The following KIAA1586 variants were observed in gnomAD, a reference collection of about 807,000 sequenced individuals.
KIAA1586 encodes the protein E3 SUMO-protein ligase KIAA1586.
Under a neutral mutation model 6.1 loss-of-function variants are expected in KIAA1586, and 5 were observed. That is an observed-to-expected ratio of 0.82 (90% CI 0.43 to 1.73). KIAA1586 has a LOEUF of 1.73. Among genes scored for constraint, KIAA1586 ranks in the 40% most tolerant of loss-of-function variants. KIAA1586 has a pLI of 0.02. For synonymous variants in KIAA1586, 280 were observed against 301.7 expected (o/e 0.93, Z 0.75); for missense variants, 899 against 878.2 (o/e 1.02, Z -0.30).
In KIAA1586 at chr6:57,054,826, T is replaced by C; in HGVS notation, c.2327T>C (p.Phe776Ser). ...GTTCGGCAAAAGTCAACAAAAGTCT[T>C]CCATGAGAATCAATTGGCTATATGG... ...TRVRQKSTKV[F>S]HENQLAIWNL... Residue 776 changes from phenylalanine (F) to serine (S), a missense_variant, in exon 4 of 4, where the codon TTC becomes TCC. Transcript: ENST00000370733. The C allele has an allele frequency of 6.4e-7, 1 of 1,550,716 alleles. No individual in the cohort carries two copies. The highest frequency in any genetic ancestry group is 8.7e-7 in the Non-Finnish European group (1 of 1,146,432).
chr6:57,065,486 T>A, the KIAA1586 span, among the ~76,000 whole-genome samples: 1 of 150,450 alleles, frequency 6.6e-6, no homozygotes, highest in Admixed American at 6.6e-5. Context: ...TTGTGTTGCC[T>A]TTTTTGTTTT....
chr6:57,053,256 G>A lies in KIAA1586; in HGVS notation c.757G>A (p.Val253Ile), dbSNP rs763018055. ...IDATVKVFNT[V>I]YSLVKHNRPL... ...TGCTACTGTAAAAGTTTTCAATACT[G>A]TTTACAGTTTAGTAAAACATAACAG... Residue 253 changes from valine to isoleucine, a missense_variant, in exon 4 of 4, where the codon GTT (valine) becomes ATT (isoleucine). Physicochemically the swap from Val to Ile is conservative, Grantham distance 29. Coordinates refer to ENST00000370733, the MANE Select transcript of KIAA1586 (RefSeq NM_020931.4). The A allele has an allele frequency of 5.4e-5, 86 of 1,603,578 alleles. 1 individual carries two copies. Among genetic ancestry groups the A allele is most frequent in the Non-Finnish European group, 6.9e-5 (81 of 1,176,692 alleles).
In KIAA1586 at chr6:57,053,046, G is replaced by A; in HGVS notation, c.547G>A (p.Glu183Lys). The A allele has an allele frequency of 6.2e-7, 1 of 1,613,662 alleles. No individual in the cohort carries two copies. The highest frequency in any genetic ancestry group is 1.7e-4 in the Middle Eastern group (1 of 6,060). ...AGAAAAGCATGTCCATGTGTCCAAG[G>A]AATGGATTGCATATTTAGTAACCCC... ...KAEKHVHVSK[E>K]WIAYLVTPNG... The change falls in exon 4 of 4, where the codon GAA becomes AAA. Residue 183 changes from glutamate (E) to lysine (K), a missense_variant. By Grantham distance (56) the Glu-to-Lys change is moderately conservative. Coordinates refer to ENST00000370733, the MANE Select transcript of KIAA1586 (RefSeq NM_020931.4).
chr6:57,054,675 A>C lies in KIAA1586; in HGVS notation c.2176A>C (p.Thr726Pro). Residue 726 changes from threonine to proline, a missense_variant, in exon 4 of 4, where the codon ACA becomes CCA. By Grantham distance (38) the Thr-to-Pro change is conservative. Coordinates refer to ENST00000370733, the MANE Select transcript of KIAA1586 (RefSeq NM_020931.4). ...TTGTACAAGGGTGAGAAATAGTTTA[A>C]CAATAGATCATGTATCAGATTTAAT... ...IICTRVRNSL[T>P]IDHVSDLMTI... is the part of the protein sequence containing the mutation. The C allele has an allele frequency of 2.6e-6, 4 of 1,556,300 alleles. No homozygotes were observed. The highest frequency in any genetic ancestry group is 3.5e-6 in the Non-Finnish European group (4 of 1,148,606).
chr6:57,046,798 C>T lies in KIAA1586; in HGVS notation c.21+22C>T, dbSNP rs562588761. 69 of 1,609,404 alleles carry T rather than the reference C, an allele frequency of 4.3e-5. No individual in the cohort carries two copies. In the East Asian group the frequency reaches 1.4e-3, roughly 33 times the overall value. ...GGAAGTGAGTAGTCGAGTGAGGGTC[C>T]TGGCGTTCTCAGAGGCGAACCGCGA... is the stretch of plus-strand genomic sequence containing the variant. On this transcript the variant is annotated intron_variant, in intron 1 of 3. Coordinates refer to ENST00000370733, the MANE Select transcript of KIAA1586 (RefSeq NM_020931.4).
chr6:57,052,113 CT>C (rs536007494), intron 3 of KIAA1586, among the ~76,000 whole-genome samples: 2 of 152,156 alleles, frequency 1.3e-5, no homozygotes, highest in South Asian at 4.1e-4. Flanking sequence ...ATTATCCACC[CT>C]TCATGTTGCT....
At chr6:57,061,582 G>A in the KIAA1586 span, among the ~76,000 whole-genome samples, 3 of 151,866 alleles carry the variant, frequency 2.0e-5, no homozygotes, top group African/African-American at 7.3e-5. Context: ...TTGTAGAGAC[G>A]GGGTCTTCTG....
At chr6:57,065,628 A>G in the KIAA1586 span, among the ~76,000 whole-genome samples, 1 of 151,924 alleles carries the variant, frequency 6.6e-6, no homozygotes, top group Non-Finnish European at 1.5e-5. Flanking sequence ...CTGGGACTAT[A>G]GGCTCACACC....
In KIAA1586 at chr6:57,053,869, A is replaced by G; in HGVS notation, c.1370A>G (p.Asn457Ser). ...TCTATTTATCATCAACCTAATAAAA[A>G]TCAAACCAAGCTTCTAGGAACTGTA... Reference protein sequence around the residue: ...IYSIYHQPNKNQTKLLGTVAK... With the variant: ...IYSIYHQPNKSQTKLLGTVAK... Residue 457 changes from asparagine to serine, a missense_variant, in exon 4 of 4, where the codon AAT (asparagine) becomes AGT (serine). Asn to Ser is a conservative substitution (Grantham distance 46). Coordinates refer to ENST00000370733, the MANE Select transcript of KIAA1586 (RefSeq NM_020931.4). 1 of 1,566,002 alleles carries G rather than the reference A, an allele frequency of 6.4e-7. No individual in the cohort carries two copies. The highest frequency in any genetic ancestry group is 1.2e-5 in the South Asian group (1 of 82,190).
the KIAA1586 span, among the ~76,000 whole-genome samples, chr6:57,065,509 G>A: frequency 6.9e-6 from 1 of 145,304 alleles, no homozygotes; most frequent in Non-Finnish European, 1.5e-5. Flanking sequence ...TTTTTTTTGA[G>A]TCAGTCTTGT....
chr6:57,064,316 T>G, the KIAA1586 span, among the ~76,000 whole-genome samples: 1 of 152,230 alleles, frequency 6.6e-6, no homozygotes, highest in African/African-American at 2.4e-5. Context: ...ATGAATATTT[T>G]TGTGTTTTCT....
chr6:57,054,031 C>G lies in KIAA1586; in HGVS notation c.1532C>G (p.Ser511Cys). ...TATATGCATTTTTCTCATTCTTACT[C>G]TGGTTTGGCGAAGAGATTAGCTAAC... The part of the protein sequence containing the change: ...ILYMHFSHSY[S>C]GLAKRLANIN... Residue 511 changes from serine (S) to cysteine (C), a missense_variant, in exon 4 of 4, where the codon TCT becomes TGT. Physicochemically the swap from Ser to Cys is moderately radical, Grantham distance 112. Coordinates refer to ENST00000370733, the MANE Select transcript of KIAA1586 (RefSeq NM_020931.4). 6.2e-7 allele frequency: 1 copy of G among 1,610,628 alleles called. No individual in the cohort carries two copies. Among genetic ancestry groups the G allele is most frequent in the Non-Finnish European group, 8.5e-7 (1 of 1,178,486 alleles).
Position 57,053,110 on chromosome 6 carries a change from G to GA in KIAA1586, c.619dup (p.Ile207AsnfsTer2). ...AAAACTACTAGGCAAGCTTCTCTACGAAAAAAAATTAGGGAACATGATGTT... is the reference window on the plus strand; with the variant it reads ...AAAACTACTAGGCAAGCTTCTCTACGAAAAAAAAATTAGGGAACATGATGTT... On this transcript the variant is annotated frameshift_variant, in exon 4 of 4. Coordinates refer to ENST00000370733, the MANE Select transcript of KIAA1586 (RefSeq NM_020931.4). LOFTEE classifies it low-confidence loss of function (END_TRUNC). 8 of 1,605,888 alleles carry GA rather than the reference G, an allele frequency of 5.0e-6. No homozygotes were observed. Among genetic ancestry groups the GA allele is most frequent in the Admixed American group, 1.7e-5 (1 of 57,572 alleles).
rs1405917934 is a variant in KIAA1586 at position 57,053,274 on chromosome 6, CAT to C, written c.777_778del (p.His259GlnfsTer6). On this transcript the variant is annotated frameshift_variant, in exon 4 of 4. Coordinates refer to ENST00000370733, the MANE Select transcript of KIAA1586 (RefSeq NM_020931.4). LOFTEE classifies it low-confidence loss of function (END_TRUNC). ...CAATACTGTTTACAGTTTAGTAAAACATAACAGACCTTTATCTGATATTGAGG... is the reference window on the plus strand; with the variant it reads ...CAATACTGTTTACAGTTTAGTAAAACAACAGACCTTTATCTGATATTGAGG... Reference protein sequence around the residue: ...VFNTVYSLVKHNRPLSDIEGA... With the variant: ...VFNTVYSLVKXNRPLSDIEGA... 3 of 1,606,576 alleles carry C rather than the reference CAT, an allele frequency of 1.9e-6. No homozygotes were observed. The highest frequency in any genetic ancestry group is 1.7e-6 in the Non-Finnish European group (2 of 1,177,762).
chr6:57,049,015 T>A (rs1828254970), intron 2 of KIAA1586, among the ~76,000 whole-genome samples: 1 of 151,762 alleles, frequency 6.6e-6, no homozygotes, highest in Non-Finnish European at 1.5e-5. Context: ...TAAAGATCCT[T>A]CTACATCTTT....
downstream of KIAA1586, among the ~76,000 whole-genome samples, chr6:57,057,751 CAAAAAAA>C (rs540828091): frequency 7.1e-6 from 1 of 140,180 alleles, no homozygotes; most frequent in East Asian, 2.0e-4. Flanking sequence ...GACTCCAAGT[CAAAAAAA>C]AACAAAAAAC....
the KIAA1586 span, among the ~76,000 whole-genome samples, chr6:57,061,332 A>G: frequency 1.3e-5 from 2 of 152,184 alleles, no homozygotes; most frequent in African/African-American, 2.4e-5. Flanking sequence ...ATCTCTGAGT[A>G]TTAATTTACC....
In KIAA1586 at chr6:57,046,710, T is replaced by G. The variant is rs529181557; in HGVS notation, c.-46T>G. The G allele has an allele frequency of 6.2e-7, 1 of 1,609,866 alleles. No individual in the cohort carries two copies. The highest frequency in any genetic ancestry group is 1.3e-5 in the African/African-American group (1 of 74,762). On this transcript the variant is annotated 5_prime_UTR_variant, in exon 1 of 4. Transcript: ENST00000370733. Reference sequence around the variant, plus strand: ...AGGGGAGTGGTGGCGGCTGCGGCAGTAGGGACAGCAGGAGCAGTGGTGCTG... The same window carrying G: ...AGGGGAGTGGTGGCGGCTGCGGCAGGAGGGACAGCAGGAGCAGTGGTGCTG...
rs1311689014 is a variant in KIAA1586 at position 57,052,883 on chromosome 6, A to G, written c.384A>G (p.Ile128Met). 1.9e-6 allele frequency: 3 copies of G among 1,613,010 alleles called. No individual in the cohort carries two copies. The part of the protein sequence containing the change: ...EKPSLSSKKE[I>M]DNLVLPDCWN... ...CATCACTTTCATCAAAGAAAGAAAT[A>G]GATAATCTTGTGCTTCCAGATTGTT... Residue 128 changes from isoleucine (I) to methionine (M), a missense_variant, in exon 4 of 4, where the codon ATA becomes ATG. Physicochemically the swap from Ile to Met is conservative, Grantham distance 10 (BLOSUM62 1). Transcript: ENST00000370733.
Sources: gnomAD v4.1 joint callset for allele counts (sites outside exome capture counted in the v4.1 genomes callset) on GRCh38, gnomAD v4.1.1 for gene constraint, MANE v1.5 for transcripts, NCBI Gene and HGNC (gene_info 2026-07-23, HGNC 2026-07-21) for gene names.